AK5: variants seen among roughly 807,000 people sequenced by gnomAD.
AK5 encodes the protein adenylate kinase isoenzyme 5.
AK5 carries 27 observed loss-of-function variants against 69.5 expected under a neutral mutation model. The observed-to-expected ratio is 0.39, with a 90% confidence interval of 0.29 to 0.54. The LOEUF (loss-of-function observed/expected upper bound fraction) is 0.54. Among genes scored for constraint, AK5 ranks in the 20% least tolerant of loss-of-function variants. The pLI is 0.71. For synonymous variants in AK5, 260 were observed against 244.4 expected (o/e 1.06, Z -0.60); for missense variants, 531 against 700.4 (o/e 0.76, Z 2.73).
intron 10 of AK5, among the ~76,000 whole-genome samples, chr1:77,491,213 T>C (rs574288496): frequency 3.6e-4 from 55 of 152,042 alleles, no homozygotes; most frequent in Non-Finnish European, 5.4e-4. Flanking sequence ...GAATTTTTGC[T>C]TAAAACTCAA....
intron 10 of AK5, among the ~76,000 whole-genome samples, chr1:77,509,014 G>A (rs543142522): frequency 6.6e-6 from 1 of 152,316 alleles, no homozygotes; most frequent in East Asian, 1.9e-4. Context: ...TCACTTTACA[G>A]ACAGAGAAGC....
intron 8 of AK5, among the ~76,000 whole-genome samples, chr1:77,462,115 T>C (rs59043705): frequency 0.046 from 6,948 of 152,308 alleles, 402 homozygotes; most frequent in East Asian, 0.19. Context: ...TCCTATTTTT[T>C]CACAAGCTCT....
intron 2 of AK5, among the ~76,000 whole-genome samples, chr1:77,290,434 G>A (rs1658623102): frequency 6.6e-6 from 1 of 152,108 alleles, no homozygotes; most frequent in Admixed American, 6.6e-5. Flanking sequence ...AAATTATTCT[G>A]TGAAATGAAA....
At chr1:77,341,657 CA>C (rs879441239) in intron 6 of AK5, among the ~76,000 whole-genome samples, 2 of 152,208 alleles carry the variant, frequency 1.3e-5, no homozygotes, top group African/African-American at 2.4e-5. Context: ...ACAGACATGA[CA>C]TTTGAAGAAT....
intron 5 of AK5, chr1:77,313,722 C>T (rs1490935079): frequency 4.3e-6 from 2 of 470,502 alleles, no homozygotes; most frequent in East Asian, 6.6e-5. Flanking sequence ...GTTTGCTTTC[C>T]GTACCCTGTG....
intron 5 of AK5, among the ~76,000 whole-genome samples, chr1:77,315,527 T>C (rs921200820): frequency 1.3e-5 from 2 of 152,128 alleles, no homozygotes; most frequent in African/African-American, 4.8e-5. Context: ...TGAAGAAACT[T>C]GGTTAAAACT....
rs1485116023 is a variant in AK5, at chr1:77,559,285, A to AGAT, written c.*620_*622dup. On this transcript the variant is annotated 3_prime_UTR_variant, in exon 14 of 14. Coordinates refer to ENST00000354567, the MANE Select transcript of AK5 (RefSeq NM_174858.3). Reference sequence around the variant, plus strand: ...AATATGAAGATGTATAGCTTTCCCAAGATGATGGTAAAACCCAGGTTAGTC... The same window carrying AGAT: ...AATATGAAGATGTATAGCTTTCCCAAGATGATGATGGTAAAACCCAGGTTAGTC... 1 of 152,216 alleles carries AGAT rather than the reference A, an allele frequency of 6.6e-6. No individual in the cohort carries two copies. The highest frequency in any genetic ancestry group is 2.4e-5 in the African/African-American group (1 of 41,454). 9.4% of individuals were successfully genotyped at this position (152,216 alleles called of 1,614,324 possible).
chr1:77,389,979 C>A (rs567081560), intron 6 of AK5, among the ~76,000 whole-genome samples: 2 of 152,012 alleles, frequency 1.3e-5, no homozygotes, highest in East Asian at 1.9e-4. Flanking sequence ...AAAAAAAAAT[C>A]TTTTTTAAAA....
chr1:77,513,254 C>T (rs1010233057), intron 10 of AK5, among the ~76,000 whole-genome samples: 2 of 152,160 alleles, frequency 1.3e-5, no homozygotes, highest in African/African-American at 4.8e-5. Flanking sequence ...AATTACCCTT[C>T]CCCTTCCTAA....
Position 77,297,899 on chromosome 1 carries a change from T to G in AK5, c.651T>G (p.Ile217Met). 6.2e-7 allele frequency: 1 copy of G among 1,613,568 alleles called. No homozygotes were observed. ...TACCTGATGAAGAGGGCATTGTTATTGATGGATTTCCAAGAGATGTTGCCC... is the reference window on the plus strand; with the variant it reads ...TACCTGATGAAGAGGGCATTGTTATGGATGGATTTCCAAGAGATGTTGCCC... ...MQIPDEEGIV[I>M]DGFPRDVAQA... is the part of the protein sequence containing the mutation. The change falls in exon 5 of 14, where the codon ATT becomes ATG. Residue 217 changes from isoleucine to methionine, a missense_variant. Physicochemically the swap from Ile to Met is conservative, Grantham distance 10 (BLOSUM62 1). Coordinates refer to ENST00000354567, the MANE Select transcript of AK5 (RefSeq NM_174858.3).
chr1:77,433,813 A>G (rs1051513314), intron 8 of AK5, among the ~76,000 whole-genome samples: 1 of 151,986 alleles, frequency 6.6e-6, no homozygotes, highest in Admixed American at 6.6e-5. Flanking sequence ...ATTTCATGTA[A>G]TTAATTCTTT....
chr1:77,433,253 T>C (rs1651757301), intron 8 of AK5, among the ~76,000 whole-genome samples: 1 of 124,310 alleles, frequency 8.0e-6, no homozygotes, highest in Admixed American at 9.2e-5. Context: ...AGGTGTATTA[T>C]AGTTTTTTTC....
intron 8 of AK5, among the ~76,000 whole-genome samples, chr1:77,433,873 TAG>T (rs1461654531): frequency 6.6e-6 from 1 of 151,778 alleles, no homozygotes; most frequent in Admixed American, 6.6e-5. Context: ...GTTTCTTCAT[TAG>T]AGTTCTGAAA....
At chr1:77,348,548 G>A (rs1272042016) in intron 6 of AK5, among the ~76,000 whole-genome samples, 2 of 152,076 alleles carry the variant, frequency 1.3e-5, no homozygotes, top group Non-Finnish European at 2.9e-5. Context: ...TTACTGACAG[G>A]TCTATCTACA....
At chr1:77,384,658 A>G (rs564566783) in intron 6 of AK5, among the ~76,000 whole-genome samples, 53 of 152,344 alleles carry the variant, frequency 3.5e-4, no homozygotes, top group African/African-American at 1.2e-3. Flanking sequence ...AAGATGAAGG[A>G]AAATAAAAGA....
chr1:77,350,615 T>C (rs1173503873), intron 6 of AK5, among the ~76,000 whole-genome samples: 2 of 152,164 alleles, frequency 1.3e-5, no homozygotes, highest in African/African-American at 2.4e-5. Context: ...GTTTTACTTC[T>C]CCATATGGCA....
At chr1:77,511,023 C>T (rs1657317861) in intron 10 of AK5, among the ~76,000 whole-genome samples, 1 of 148,984 alleles carries the variant, frequency 6.7e-6, no homozygotes, top group African/African-American at 2.5e-5. Context: ...TATTTATATT[C>T]ATATTTATAT....
At chr1:77,447,969 A>T (rs1194337118) in intron 8 of AK5, among the ~76,000 whole-genome samples, 2 of 152,192 alleles carry the variant, frequency 1.3e-5, no homozygotes, top group Non-Finnish European at 2.9e-5. Flanking sequence ...GTTGCCAAGG[A>T]GCAGAAGTTA....
rs114090898 is a variant in AK5, at chr1:77,311,028, A to G, written c.699+13081A>G. Among the ~76,000 whole-genome samples, 952 of 152,162 alleles carry G rather than the reference A, an allele frequency of 6.3e-3. 20 individuals are homozygous for G. The highest frequency in any genetic ancestry group is 0.021 in the African/African-American group (887 of 41,452). ...AACCAATTCTTAACGCTCCATCTTT[A>G]TAGAATTATTGTTTGTGTTTGTGGG... On this transcript the variant is annotated intron_variant, in intron 5 of 13. Transcript: ENST00000354567.
Sources: gnomAD v4.1 joint callset for allele counts (sites outside exome capture counted in the v4.1 genomes callset) on GRCh38, gnomAD v4.1.1 for gene constraint, MANE v1.5 for transcripts, NCBI Gene and HGNC (gene_info 2026-07-23, HGNC 2026-07-21) for gene names.